CLIC5: variants seen among roughly 807,000 people sequenced by gnomAD.
The protein encoded by CLIC5 is chloride intracellular channel protein 5.
A neutral mutation model predicts 24.7 loss-of-function variants in CLIC5; 20 were observed. That is an observed-to-expected ratio of 0.81 (90% confidence interval 0.57 to 1.18). CLIC5 has a LOEUF of 1.18. Among genes scored for constraint, CLIC5 ranks in the 50% most tolerant of loss-of-function variants. The pLI is 0.00. For missense variants in CLIC5, 341 were observed against 326.1 expected (o/e 1.05, Z -0.35); for synonymous variants, 159 against 135.6 (o/e 1.17, Z -1.20).
chr6:46,060,385 A>G (rs1198210126), intron 1 of CLIC5, among the ~76,000 whole-genome samples: 1 of 152,084 alleles, frequency 6.6e-6, no homozygotes, highest in African/African-American at 2.4e-5. Context: ...GAGATTCTCA[A>G]TGTAAATACA....
the CLIC5 span, among the ~76,000 whole-genome samples, chr6:46,087,503 T>C: frequency 6.6e-6 from 1 of 152,114 alleles, no homozygotes. Context: ...CACTGTCATC[T>C]TACTTAGGTT....
chr6:46,115,035 G>GAGT, the CLIC5 span, among the ~76,000 whole-genome samples: 1 of 152,216 alleles, frequency 6.6e-6, no homozygotes, highest in Non-Finnish European at 1.5e-5. Context: ...CAGGGGATTT[G>GAGT]AGTAGTAGCT....
intron 1 of CLIC5, among the ~76,000 whole-genome samples, chr6:45,971,201 A>G (rs986143001): frequency 6.6e-6 from 1 of 152,166 alleles, no homozygotes; most frequent in Non-Finnish European, 1.5e-5. Flanking sequence ...GGATTCCTCA[A>G]ATCAGCCATC....
intron 1 of CLIC5, among the ~76,000 whole-genome samples, chr6:45,957,863 T>A (rs917224757): frequency 2.6e-5 from 4 of 152,092 alleles, no homozygotes; most frequent in African/African-American, 9.7e-5. Context: ...ATCTGAAACA[T>A]CAACAGAGAA....
intron 5 of CLIC5, among the ~76,000 whole-genome samples, chr6:45,909,168 G>A (rs993439307): frequency 6.6e-6 from 1 of 151,924 alleles, no homozygotes; most frequent in Non-Finnish European, 1.5e-5. Flanking sequence ...TGAGCCTATG[G>A]GTGTTGTTAC....
At chr6:45,894,242 G>C (rs966686169), downstream of CLIC5, among the ~76,000 whole-genome samples, 1 of 152,228 alleles carries the variant, frequency 6.6e-6, no homozygotes, top group Non-Finnish European at 1.5e-5. Context: ...TAGTCTGCTG[G>C]TGAGAGAGTA....
chr6:46,015,458 G>C (rs1392585459), intron 1 of CLIC5, 22 bp downstream of exon 1: 1 of 1,491,032 alleles, frequency 6.7e-7, no homozygotes, highest in Non-Finnish European at 9.0e-7. Flanking sequence ...CAGGTGCGGC[G>C]GGAGACTGGA....
intron 1 of CLIC5, among the ~76,000 whole-genome samples, chr6:46,078,963 AC>A (rs1289901464): frequency 6.6e-6 from 1 of 152,172 alleles, no homozygotes. Flanking sequence ...AAATGTGAAA[AC>A]ATTTCTAAAA....
At chr6:46,006,273 T>C (rs1452481219) in intron 1 of CLIC5, among the ~76,000 whole-genome samples, 3 of 150,932 alleles carry the variant, frequency 2.0e-5, no homozygotes, top group African/African-American at 4.9e-5. Flanking sequence ...ACTTCCTGAG[T>C]AGCTGGGATT....
At chr6:45,982,028 TA>T (rs1765586393) in intron 1 of CLIC5, among the ~76,000 whole-genome samples, 1 of 150,008 alleles carries the variant, frequency 6.7e-6, no homozygotes, top group Admixed American at 6.6e-5. Context: ...GAAAGAAATA[TA>T]GGGGACAGTC....
intron 1 of CLIC5, among the ~76,000 whole-genome samples, chr6:46,022,494 T>TTC (rs1473788762): frequency 6.6e-6 from 1 of 152,158 alleles, no homozygotes; most frequent in African/African-American, 2.4e-5. Context: ...GAGGACCAAC[T>TTC]GGGTGTAGAC....
chr6:46,109,813 T>C, the CLIC5 span, among the ~76,000 whole-genome samples: 1 of 152,008 alleles, frequency 6.6e-6, no homozygotes, highest in African/African-American at 2.4e-5. Flanking sequence ...TTGGAAACTG[T>C]TGGGAAAAGC....
chr6:45,912,954 C>G (rs1762875181), intron 5 of CLIC5, among the ~76,000 whole-genome samples: 1 of 152,222 alleles, frequency 6.6e-6, no homozygotes, highest in Non-Finnish European at 1.5e-5. Context: ...AGTGTACACA[C>G]AACTGAGTGA....
At position 45,921,601 on chromosome 6, in the gene CLIC5, G is replaced by A. The variant is rs9296474; in HGVS notation, c.407-7192C>T. ...AGAGGATGAAGGGGAAGAAGACACC[G>A]AGAGAAAGATGAGAGAAGAGATAGC... On this transcript the variant is annotated intron_variant, in intron 4 of 5. Coordinates refer to ENST00000339561, the MANE Select transcript of CLIC5 (RefSeq NM_016929.5). 8.6e-3 allele frequency among the ~76,000 whole-genome samples: 1,261 copies of A among 147,190 alleles called. 22 individuals are homozygous for A. Among genetic ancestry groups the A allele is most frequent in the African/African-American group, 0.03 (1,178 of 39,378 alleles).
chr6:46,066,229 G>T (rs989273829), intron 1 of CLIC5, among the ~76,000 whole-genome samples: 3 of 152,104 alleles, frequency 2.0e-5, no homozygotes, highest in African/African-American at 7.2e-5. Context: ...TGTCAGCTGG[G>T]TTCCAAAACC....
chr6:45,990,479 GGGTTT>G (rs1324668856), intron 1 of CLIC5, among the ~76,000 whole-genome samples: 4 of 152,192 alleles, frequency 2.6e-5, no homozygotes, highest in Non-Finnish European at 5.9e-5. Context: ...GAAGGATGGT[GGGTTT>G]CACATCTCAC....
intron 4 of CLIC5, among the ~76,000 whole-genome samples, chr6:45,930,492 G>A (rs1763691859): frequency 6.6e-6 from 1 of 152,172 alleles, no homozygotes; most frequent in African/African-American, 2.4e-5. Flanking sequence ...ACCTAGCCTT[G>A]TTTGAACCGT....
At position 45,901,327 on chromosome 6, in the gene CLIC5, G is replaced by A. The variant is rs1386148510; in HGVS notation, c.*1761C>T. 1 of 152,158 alleles carries A rather than the reference G, an allele frequency of 6.6e-6. No individual in the cohort carries two copies. The highest frequency in any genetic ancestry group is 1.5e-5 in the Non-Finnish European group (1 of 68,034). The allele number at this position is 152,158 out of a possible 1,614,324, so 9.4% of individuals were successfully genotyped here. ...TCAGGCTTATAAAGTGTCCTACTGAGAAAGTTCCTCTTCCTCAATGGGCTC... is the reference window on the plus strand; with the variant it reads ...TCAGGCTTATAAAGTGTCCTACTGAAAAAGTTCCTCTTCCTCAATGGGCTC... On this transcript the variant is annotated 3_prime_UTR_variant, in exon 6 of 6. Coordinates refer to ENST00000339561, the MANE Select transcript of CLIC5 (RefSeq NM_016929.5).
intron 3 of CLIC5, among the ~76,000 whole-genome samples, chr6:45,945,942 T>A (rs913206348): frequency 1.3e-5 from 2 of 152,244 alleles, no homozygotes; most frequent in Non-Finnish European, 2.9e-5. Flanking sequence ...CAGTTTACCC[T>A]CCTGAATTTT....
Sources: allele counts gnomAD v4.1 joint callset (sites outside exome capture counted in the v4.1 genomes callset), GRCh38; gene constraint gnomAD v4.1.1; transcripts MANE v1.5; gene names NCBI Gene and HGNC (gene_info 2026-07-23, HGNC 2026-07-21).